Variants in COL6A6 observed in about 807,000 individuals in gnomAD.
COL6A6 encodes collagen alpha-6(VI) chain.
In COL6A6, 183 loss-of-function variants were observed where a neutral mutation model predicts 208.6. That is an observed-to-expected ratio of 0.88 (90% CI 0.78 to 0.99). The LOEUF (loss-of-function observed/expected upper bound fraction) is 0.99, where lower values mean the gene tolerates loss of function less well. COL6A6 is among the 50% of genes least tolerant of loss of function. The probability of loss-of-function intolerance (pLI) is 0.00; values close to 1 mark genes in which losing one functional copy is unlikely to be tolerated. For missense variants in COL6A6, 2,816 were observed against 2,815.2 expected, an observed-to-expected ratio of 1.00 and a Z score of -0.01; for synonymous variants, 973 against 1,011.8, an observed-to-expected ratio of 0.96 and a Z score of 0.73.
Position 130,565,475 on chromosome 3 carries a change from C to T in COL6A6, c.1143C>T (p.His381=), listed in dbSNP as rs1167577138. Residue 381 remains histidine, a synonymous_variant, in exon 4 of 37, where the codon CAC becomes CAT. Transcript: ENST00000358511. The part of the protein sequence containing the change: ...SDTQLEKIAS[H]PAEQYVSKLK... ...CCCAGTTGGAAAAGATAGCATCCCACCCTGCTGAGCAGTATGTCTCCAAAC... is the reference window on the plus strand; with the variant it reads ...CCCAGTTGGAAAAGATAGCATCCCATCCTGCTGAGCAGTATGTCTCCAAAC... 7 of 1,613,888 alleles carry T rather than the reference C, an allele frequency of 4.3e-6. No individual in the cohort carries two copies. The highest frequency in any genetic ancestry group is 5.9e-6 in the Non-Finnish European group (7 of 1,179,894).
intron 1 of COL6A6, among the ~76,000 whole-genome samples, chr3:130,557,186 G>C (rs953193747): frequency 6.6e-6 from 1 of 152,152 alleles, no homozygotes; most frequent in Non-Finnish European, 1.5e-5. Context: ...CTCTACACAG[G>C]AGAGTATCAT....
chr3:130,618,677 A>C (rs1490092723), intron 23 of COL6A6, among the ~76,000 whole-genome samples: 1 of 152,236 alleles, frequency 6.6e-6, no homozygotes, highest in Non-Finnish European at 1.5e-5. Flanking sequence ...TTATTCATCT[A>C]AGTCACAAAC....
At chr3:130,657,331 A>C (rs1057040273) in intron 33 of COL6A6, among the ~76,000 whole-genome samples, 2 of 152,202 alleles carry the variant, frequency 1.3e-5, no homozygotes, top group African/African-American at 4.8e-5. Context: ...GGCAGTGGCC[A>C]CTCCAGATGG....
chr3:130,557,151 C>A lies in COL6A6; in HGVS notation c.-31-3183C>A, dbSNP rs1277098445. On this transcript the variant is annotated intron_variant, in intron 1 of 36. Transcript: ENST00000358511. ...AGGCCATGACACCTTATAGCCTGTG[C>A]ACTTTTCACTCAGCCAAACACCTCC... Among the ~76,000 whole-genome samples, 2 of 143,914 alleles carry A rather than the reference C, an allele frequency of 1.4e-5. 1 individual carries two copies. Among genetic ancestry groups the A allele is most frequent in the Non-Finnish European group, 3.1e-5 (2 of 64,758 alleles). 94.4% of individuals were successfully genotyped at this position (143,914 alleles called of 152,430 possible).
At chr3:130,619,654 T>G (rs547134023) in intron 23 of COL6A6, among the ~76,000 whole-genome samples, 35 of 152,228 alleles carry the variant, frequency 2.3e-4, no homozygotes, top group Admixed American at 6.5e-4. Context: ...GAGCCAAGAA[T>G]TTAGGCAGGA....
intron 8 of COL6A6, among the ~76,000 whole-genome samples, chr3:130,575,390 G>A (rs956023427): frequency 2.0e-5 from 3 of 152,178 alleles, no homozygotes; most frequent in African/African-American, 7.2e-5. Context: ...ATTATAAAGT[G>A]CCTTCATTTT....
chr3:130,590,923 A>AT (rs2063698474), intron 12 of COL6A6, 118 bp from the exon 13 acceptor site: 7 of 775,104 alleles, frequency 9.0e-6, no homozygotes, highest in South Asian at 1.6e-5. Context: ...AGGAAGGACC[A>AT]TTTTTTTCAA....
In COL6A6 at chr3:130,581,578, G is replaced by A; in HGVS notation, c.3565G>A (p.Val1189Met). The A allele has an allele frequency of 6.2e-7, 1 of 1,608,514 alleles. No individual in the cohort carries two copies. The highest frequency in any genetic ancestry group is 8.5e-7 in the Non-Finnish European group (1 of 1,175,984). Residue 1189 changes from valine (V) to methionine (M), a missense_variant, in exon 9 of 37, where the codon GTG becomes ATG. By Grantham distance (21) the Val-to-Met change is conservative. Transcript: ENST00000358511. ...AATCCTAGACTGTTTCGTGGATGTTGTGGTGGGATTTGATGTCTCAACTCA... is the reference window on the plus strand; with the variant it reads ...AATCCTAGACTGTTTCGTGGATGTTATGGTGGGATTTGATGTCTCAACTCA... ...AGESNCFVDVVVGFDVSTQEK... is the reference protein window; with the variant it reads ...AGESNCFVDVMVGFDVSTQEK...
At chr3:130,541,277 C>A (rs1326094007) in intron 1 of COL6A6, among the ~76,000 whole-genome samples, 1 of 152,180 alleles carries the variant, frequency 6.6e-6, no homozygotes, top group Non-Finnish European at 1.5e-5. Flanking sequence ...TGGCTTTTTT[C>A]ACTTAGCAAT....
chr3:130,581,786 G>C lies in COL6A6; in HGVS notation c.3773G>C (p.Ser1258Thr), dbSNP rs763233806. 3 of 1,613,728 alleles carry C rather than the reference G, an allele frequency of 1.9e-6. No individual in the cohort carries two copies. Among genetic ancestry groups the C allele is most frequent in the Non-Finnish European group, 2.5e-6 (3 of 1,179,698 alleles). The stretch of plus-strand genomic sequence containing the variant: ...TATTCTCCCAAGTTTGAGATCTACA[G>C]TGAAAACATACTGAATAGCTTGAAG... ...EKYSPKFEIYSENILNSLKDI... is the reference protein window; with the variant it reads ...EKYSPKFEIYTENILNSLKDI... The change falls in exon 9 of 37, where the codon AGT becomes ACT. Residue 1258 changes from serine to threonine, a missense_variant. By Grantham distance (58) the Ser-to-Thr change is moderately conservative. Transcript: ENST00000358511.
chr3:130,626,537 G>C lies in COL6A6; in HGVS notation c.4931G>C (p.Arg1644Pro), dbSNP rs139324337. 2.4e-5 allele frequency: 38 copies of C among 1,612,240 alleles called. No homozygotes were observed. In the South Asian group the frequency reaches 3.0e-4, roughly 13 times the overall value. The change falls in exon 25 of 37, where the codon CGT becomes CCT. Residue 1644 changes from arginine (R) to proline (P), a missense_variant. Physicochemically the swap from Arg to Pro is moderately radical, Grantham distance 103. Coordinates refer to ENST00000358511, the MANE Select transcript of COL6A6 (RefSeq NM_001102608.3). Reference sequence around the variant, plus strand: ...GGAGCTGTTGGCTTTCCTGGTCCTCGTGGCTTGCAGGTTTGTATTTTGACA... The same window carrying C: ...GGAGCTGTTGGCTTTCCTGGTCCTCCTGGCTTGCAGGTTTGTATTTTGACA... Reference protein sequence around the residue: ...EKGAVGFPGPRGLQGNDGSPG... With the variant: ...EKGAVGFPGPPGLQGNDGSPG...
At chr3:130,547,100 C>T (rs116429005) in intron 1 of COL6A6, among the ~76,000 whole-genome samples, 1,794 of 152,372 alleles carry the variant, frequency 0.012, 20 homozygotes, top group Admixed American at 0.019. Context: ...TGCGACCTGG[C>T]GCCACAGAGC....
At chr3:130,532,974 C>A (rs1189983848) in intron 1 of COL6A6, among the ~76,000 whole-genome samples, 1 of 152,156 alleles carries the variant, frequency 6.6e-6, no homozygotes, top group African/African-American at 2.4e-5. Flanking sequence ...TCCTTACTGG[C>A]AGCTGACTTG....
chr3:130,601,563 A>C (rs72994357), intron 20 of COL6A6, among the ~76,000 whole-genome samples: 2 of 152,216 alleles, frequency 1.3e-5, no homozygotes, highest in Non-Finnish European at 2.9e-5. Flanking sequence ...AAATCCTGGC[A>C]TGTAAGGATG....
At chr3:130,591,236 T>C in intron 13 of COL6A6, 142 bp downstream of exon 13, 1 of 739,624 alleles carries the variant, frequency 1.4e-6, no homozygotes, top group African/African-American at 1.8e-5. Context: ...TTTGTCCTCA[T>C]TGTGCTTTGC....
intron 1 of COL6A6, among the ~76,000 whole-genome samples, chr3:130,536,802 C>G (rs902299431): frequency 2.0e-5 from 3 of 152,168 alleles, no homozygotes; most frequent in Admixed American, 6.5e-5. Context: ...AGATGTGAAA[C>G]TATCTCATTT....
At chr3:130,604,772 T>C (rs1026447988) in intron 20 of COL6A6, among the ~76,000 whole-genome samples, 3 of 152,248 alleles carry the variant, frequency 2.0e-5, no homozygotes, top group African/African-American at 7.2e-5. Flanking sequence ...AAAATGTTTG[T>C]TGATGATGTT....
chr3:130,591,136 C>T (rs2063704093), intron 13 of COL6A6, 42 bp downstream of exon 13: 2 of 1,379,842 alleles, frequency 1.4e-6, no homozygotes, highest in African/African-American at 1.4e-5. Flanking sequence ...TCCCTAAAAA[C>T]ATCTACAATA....
At position 130,602,457 on chromosome 3, in the gene COL6A6, A is replaced by T. The variant is rs926390088; in HGVS notation, c.4653+2647A>T. Among the ~76,000 whole-genome samples, 9 of 152,358 alleles carry T rather than the reference A, an allele frequency of 5.9e-5. No homozygotes were observed. In the East Asian group the frequency reaches 1.7e-3, roughly 29 times the overall value. On this transcript the variant is annotated intron_variant, in intron 20 of 36. Coordinates refer to ENST00000358511, the MANE Select transcript of COL6A6 (RefSeq NM_001102608.3). Reference sequence around the variant, plus strand: ...AAAGAAAACCATGGGCAAAGGGCAGATAAAGCCTCATTAGAAGAGGAATTA... The same window carrying T: ...AAAGAAAACCATGGGCAAAGGGCAGTTAAAGCCTCATTAGAAGAGGAATTA...
Sources: allele counts gnomAD v4.1 joint callset (sites outside exome capture counted in the v4.1 genomes callset), GRCh38; gene constraint gnomAD v4.1.1; transcripts MANE v1.5; gene names NCBI Gene and HGNC (gene_info 2026-07-23, HGNC 2026-07-21).